Variants in TMEM117 observed in about 807,000 individuals in gnomAD.
TMEM117 encodes transmembrane protein 117.
A neutral mutation model predicts 52.4 loss-of-function variants in TMEM117; 27 were observed. That is an observed-to-expected ratio of 0.51 (90% CI 0.38 to 0.71). The LOEUF is 0.71. Among genes scored for constraint, TMEM117 ranks in the 30% least tolerant of loss-of-function variants. The pLI is 0.00. For missense variants in TMEM117, 556 were observed against 630.5 expected, an observed-to-expected ratio of 0.88 and a Z score of 1.26; for synonymous variants, 215 against 206.3, an observed-to-expected ratio of 1.04 and a Z score of -0.36.
chr12:44,134,894 G>A (rs1343932921), intron 3 of TMEM117, among the ~76,000 whole-genome samples: 12 of 152,098 alleles, frequency 7.9e-5, no homozygotes, highest in Admixed American at 7.2e-4. Context: ...CAACATGGAT[G>A]TCCCATGGAA....
chr12:44,342,489 T>C (rs1951430860), intron 6 of TMEM117, among the ~76,000 whole-genome samples: 1 of 152,130 alleles, frequency 6.6e-6, no homozygotes, highest in African/African-American at 2.4e-5. Flanking sequence ...TGCTGGCCTC[T>C]GTTCCAAACA....
intron 3 of TMEM117, among the ~76,000 whole-genome samples, chr12:44,004,845 A>G (rs999546781): frequency 6.6e-6 from 1 of 152,174 alleles, no homozygotes; most frequent in Non-Finnish European, 1.5e-5. Flanking sequence ...ACATCAGTAT[A>G]TTGTTTCAGG....
chr12:44,168,863 T>C (rs1227967802), intron 4 of TMEM117, among the ~76,000 whole-genome samples: 1 of 152,176 alleles, frequency 6.6e-6, no homozygotes, highest in African/African-American at 2.4e-5. Context: ...ATTCCTCTTT[T>C]TATCCTCCCC....
Position 44,246,150 on chromosome 12 carries a change from G to A in TMEM117, c.608+34763G>A, listed in dbSNP as rs771617380. On this transcript the variant is annotated intron_variant, in intron 5 of 7. Transcript: ENST00000266534. ...CGTATATCTAATTTTTATGAACCAT[G>A]CATAAAGGTAGGAGTTTTATTTTTG... Among the ~76,000 whole-genome samples, 6 of 152,146 alleles carry A rather than the reference G, an allele frequency of 3.9e-5. No homozygotes were observed. In the South Asian group the frequency reaches 6.2e-4, roughly 16 times the overall value.
chr12:44,021,346 G>A (rs842195), intron 3 of TMEM117, among the ~76,000 whole-genome samples: 48,755 of 151,990 alleles, frequency 0.32, 12,238 homozygotes, highest in African/African-American at 0.71. Context: ...GTTCCCACTT[G>A]TAAGTGAGAA....
At chr12:43,899,187 C>G (rs1387410593) in intron 2 of TMEM117, among the ~76,000 whole-genome samples, 4 of 152,152 alleles carry the variant, frequency 2.6e-5, no homozygotes, top group Non-Finnish European at 5.9e-5. Context: ...TGTTTAATTA[C>G]AAAACCCAAA....
At chr12:44,332,746 C>CACAG (rs1012884228) in intron 6 of TMEM117, among the ~76,000 whole-genome samples, 9 of 150,826 alleles carry the variant, frequency 6.0e-5, no homozygotes, top group African/African-American at 2.2e-4. Flanking sequence ...CACACACACA[C>CACAG]ACAGACACAC....
chr12:44,393,901 A>G (rs1952171316), downstream of TMEM117, among the ~76,000 whole-genome samples: 1 of 152,204 alleles, frequency 6.6e-6, no homozygotes, highest in South Asian at 2.1e-4. Context: ...TTGTCTCAAT[A>G]CAATTCCTAG....
Position 44,236,681 on chromosome 12 carries a change from C to T in TMEM117, c.608+25294C>T, listed in dbSNP as rs887802417. 4.6e-5 allele frequency among the ~76,000 whole-genome samples: 7 copies of T among 152,124 alleles called. No homozygotes were observed. The East Asian group carries it at 5.8e-4, about 13-fold the overall frequency. ...CAGTTATCACTGGCCCTATAATAGG[C>T]GGTTTATATTTTAAAAACACTTTAT... On this transcript the variant is annotated intron_variant, in intron 5 of 7. Transcript: ENST00000266534.
At position 43,995,442 on chromosome 12, in the gene TMEM117, G is replaced by A. The variant is rs1592424449; in HGVS notation, c.410+51100G>A. On this transcript the variant is annotated intron_variant, in intron 3 of 7. Transcript: ENST00000266534. ...TAGTGTTTACACAGGGATTGACATT[G>A]TTGTTACCAGATAGATTGGAACTCT... Among the ~76,000 whole-genome samples, 3 of 152,212 alleles carry A rather than the reference G, an allele frequency of 2.0e-5. 1 individual carries two copies. The East Asian group carries it at 5.8e-4, about 29-fold the overall frequency.
chr12:44,216,241 C>T (rs1000099531), intron 5 of TMEM117, among the ~76,000 whole-genome samples: 5 of 151,894 alleles, frequency 3.3e-5, no homozygotes, highest in Non-Finnish European at 7.4e-5. Context: ...CCCCTGACCT[C>T]GCGATCTGCC....
intron 6 of TMEM117, among the ~76,000 whole-genome samples, chr12:44,333,557 G>A (rs1951301221): frequency 6.6e-6 from 1 of 151,836 alleles, no homozygotes; most frequent in Non-Finnish European, 1.5e-5. Flanking sequence ...AGTTTTATAA[G>A]GAGCTTTCCC....
intron 5 of TMEM117, among the ~76,000 whole-genome samples, chr12:44,281,440 A>T: frequency 6.6e-6 from 1 of 152,122 alleles, no homozygotes; most frequent in Non-Finnish European, 1.5e-5. Flanking sequence ...GATGTTTGAG[A>T]TGCAACTCAG....
At chr12:43,847,830 C>T (rs1053922718) in intron 2 of TMEM117, among the ~76,000 whole-genome samples, 2 of 152,098 alleles carry the variant, frequency 1.3e-5, no homozygotes, top group Non-Finnish European at 2.9e-5. Context: ...TTGGGGGAAC[C>T]TGCCCCCAAT....
intron 3 of TMEM117, among the ~76,000 whole-genome samples, chr12:44,005,973 C>G (rs1246545857): frequency 6.6e-6 from 1 of 152,198 alleles, no homozygotes. Context: ...TTACGTGCAA[C>G]TGTAAGTCAA....
rs147380973 is a variant in TMEM117, at chr12:43,919,163, A to G, written c.278-25047A>G. ...ATGGTAATAACACTGGACATGAAGT[A>G]TACCCTCTTTAACAAATTTGTAAGT... On this transcript the variant is annotated intron_variant, in intron 2 of 7. Coordinates refer to ENST00000266534, the MANE Select transcript of TMEM117 (RefSeq NM_032256.3). Among the ~76,000 whole-genome samples, 1,065 of 152,340 alleles carry G rather than the reference A, an allele frequency of 7.0e-3. 10 individuals carry two copies. Among genetic ancestry groups the G allele is most frequent in the African/African-American group, 0.023 (959 of 41,582 alleles).
At chr12:44,209,035 G>A (rs893936240) in intron 4 of TMEM117, among the ~76,000 whole-genome samples, 4 of 151,860 alleles carry the variant, frequency 2.6e-5, no homozygotes, top group African/African-American at 9.7e-5. Context: ...AATGCAACAA[G>A]AAATATTTAT....
chr12:44,394,087 A>G (rs1022442689), downstream of TMEM117, among the ~76,000 whole-genome samples: 1 of 152,186 alleles, frequency 6.6e-6, no homozygotes, highest in African/African-American at 2.4e-5. Context: ...TAATTTGAAT[A>G]TGGGCTCTAG....
intron 4 of TMEM117, among the ~76,000 whole-genome samples, chr12:44,150,448 G>A (rs775612554): frequency 6.6e-6 from 1 of 152,010 alleles, no homozygotes; most frequent in Non-Finnish European, 1.5e-5. Flanking sequence ...GTTGCGAGTG[G>A]GACACCAACA....
Sources: gnomAD v4.1 joint callset for allele counts (sites outside exome capture counted in the v4.1 genomes callset) on GRCh38, gnomAD v4.1.1 for gene constraint, MANE v1.5 for transcripts, NCBI Gene and HGNC (gene_info 2026-07-23, HGNC 2026-07-21) for gene names.